Variants in ATG2B observed in about 807,000 individuals in gnomAD.
ATG2B encodes autophagy related 2B, also known as autophagy-related protein 2 homolog B.
In ATG2B, 121 loss-of-function variants were observed where a neutral mutation model predicts 241.3. The observed-to-expected ratio is 0.50, with a 90% CI of 0.43 to 0.58. ATG2B has a LOEUF of 0.58. Ranked by LOEUF, ATG2B falls within the 20% of genes least tolerant of loss-of-function variation. The pLI, the probability that ATG2B is intolerant of heterozygous loss-of-function variation, is 0.00. For missense variants in ATG2B, 2,306 were observed against 2,491.6 expected (o/e 0.93, Z 1.59); for synonymous variants, 858 against 876.6 (o/e 0.98, Z 0.37).
At chr14:96,343,091 T>C (rs371294167) in intron 5 of ATG2B, 28 bp downstream of exon 5, 276 of 1,484,008 alleles carry the variant, frequency 1.9e-4, no homozygotes, top group Non-Finnish European at 2.4e-4. Context: ...TCTATGATTA[T>C]GGTTTTAGGG....
In ATG2B at chr14:96,280,082, G is replaced by A. The variant is rs539846652; in HGVS notation, c.*5673C>T. 1.3e-5 allele frequency: 2 copies of A among 152,448 alleles called. No homozygotes were observed. Among genetic ancestry groups the A allele is most frequent in the Non-Finnish European group, 2.9e-5 (2 of 68,128 alleles). 9.4% of individuals were successfully genotyped at this position (152,448 alleles called of 1,614,324 possible). A position where few individuals can be genotyped will look rare whatever the true frequency, so the allele number is the denominator to read the frequency against. ...GCTAACCCCTACTCACGGGCATGCAGAACTGAACCGCTGGGGTGGCTAAGC... is the reference window on the plus strand; with the variant it reads ...GCTAACCCCTACTCACGGGCATGCAAAACTGAACCGCTGGGGTGGCTAAGC... On this transcript the variant is annotated 3_prime_UTR_variant, in exon 42 of 42. Coordinates refer to ENST00000359933, the MANE Select transcript of ATG2B (RefSeq NM_018036.7).
At chr14:96,311,689 T>C (rs1887161812) in intron 26 of ATG2B, 71 bp from the exon 27 acceptor site, 2 of 903,490 alleles carry the variant, frequency 2.2e-6, no homozygotes, top group Non-Finnish European at 3.6e-6. Flanking sequence ...CAACACCCAA[T>C]ACAACTAGCA....
At chr14:96,305,848 T>C in intron 30 of ATG2B, 33 bp from the exon 31 acceptor site, 1 of 1,546,260 alleles carries the variant, frequency 6.5e-7, no homozygotes, top group Non-Finnish European at 8.9e-7. Context: ...ACATACTCTC[T>C]TTTCTAATTA....
chr14:96,308,253 C>CATATATAT (rs1309788039), intron 29 of ATG2B, among the ~76,000 whole-genome samples: 7 of 36,402 alleles, frequency 1.9e-4, no homozygotes, highest in Non-Finnish European at 2.2e-4. Context: ...TATATATATA[C>CATATATAT]ACACATATAT....
At chr14:96,351,366 C>T (rs1375299516) in intron 1 of ATG2B, among the ~76,000 whole-genome samples, 1 of 152,144 alleles carries the variant, frequency 6.6e-6, no homozygotes, top group Non-Finnish European at 1.5e-5. Flanking sequence ...ATTTTGGAGA[C>T]TGAGGCAGAA....
chr14:96,295,457 C>A (rs942346199), intron 35 of ATG2B, 25 bp downstream of exon 35: 39 of 1,468,518 alleles, frequency 2.7e-5, no homozygotes, highest in Non-Finnish European at 3.4e-5. Context: ...TTGGTATAGT[C>A]TTTTCAACTA....
chr14:96,295,727 C>CCACACA lies in ATG2B; in HGVS notation c.5140-173_5140-168dup, dbSNP rs59902412. 1.9e-3 allele frequency among the ~76,000 whole-genome samples: 278 copies of CCACACA among 145,866 alleles called. 2 individuals carry two copies. Among genetic ancestry groups the CCACACA allele is most frequent in the South Asian group, 6.6e-3 (30 of 4,568 alleles). On this transcript the variant is annotated intron_variant, in intron 34 of 41. Transcript: ENST00000359933. ...GTCATTATTCCTATTCTTCCCCCCA[C>CCACACA]CACACACACACACACACACACACAC...
intron 1 of ATG2B, among the ~76,000 whole-genome samples, chr14:96,355,939 A>G (rs1888460735): frequency 6.6e-6 from 1 of 152,092 alleles, no homozygotes; most frequent in Non-Finnish European, 1.5e-5. Flanking sequence ...TGAGAGGCAG[A>G]GGCGGGGGAA....
At chr14:96,336,209 GAGTT>G (rs370134034) in intron 6 of ATG2B, among the ~76,000 whole-genome samples, 1 of 149,516 alleles carries the variant, frequency 6.7e-6, no homozygotes, top group African/African-American at 2.5e-5. Flanking sequence ...ACAGTTGAAA[GAGTT>G]AAGGCTAATG....
Position 96,328,715 on chromosome 14 carries a change from GAC to G in ATG2B, c.1931_1932del (p.Cys644SerfsTer6). ...KEETGSHSPVCLQLHYKHSEN... is the reference protein window; with the variant it reads ...KEETGSHSPVXLQLHYKHSEN... Reference sequence around the variant, plus strand: ...TCAGAATGCTTATAATGAAGCTGAAGACACACAGGGGAATGGGAACCAGTTTC... The same window carrying G: ...TCAGAATGCTTATAATGAAGCTGAAGACACAGGGGAATGGGAACCAGTTTC... On this transcript the variant is annotated frameshift_variant, in exon 13 of 42. Transcript: ENST00000359933. LOFTEE classifies it high-confidence loss of function. 6.2e-7 allele frequency: 1 copy of G among 1,609,708 alleles called. No individual in the cohort carries two copies. Among genetic ancestry groups the G allele is most frequent in the Non-Finnish European group, 8.5e-7 (1 of 1,177,460 alleles).
rs1886920278 is a variant in ATG2B, at chr14:96,305,610, G to T, written c.4712C>A (p.Thr1571Asn). The change falls in exon 31 of 42, where the codon ACT becomes AAT. Residue 1571 changes from threonine to asparagine, a missense_variant. Around this residue, in one of 2 missense-constraint regions of ATG2B, gnomAD observed 1,927 missense variants for 2,011.2 expected, o/e 0.96. Coordinates refer to ENST00000359933, the MANE Select transcript of ATG2B (RefSeq NM_018036.7). The part of the protein sequence containing the change: ...GGKDFGIVPP[T>N]SPAKSYISPH... ...TTACATATAACTTTTAGCCGGAGAA[G>T]TGGGAGGGACTATTCCAAAATCCTT... 6.2e-7 allele frequency: 1 copy of T among 1,611,812 alleles called. No homozygotes were observed. The highest frequency in any genetic ancestry group is 1.7e-5 in the Admixed American group (1 of 59,940).
At chr14:96,303,003 A>G (rs1194640865) in intron 33 of ATG2B, 58 bp downstream of exon 33, 4 of 1,293,144 alleles carry the variant, frequency 3.1e-6, no homozygotes, top group Non-Finnish European at 3.1e-6. Flanking sequence ...CTGAAGTTAG[A>G]TATAATAAAA....
At chr14:96,308,266 A>ATATG (rs1887041521) in intron 29 of ATG2B, among the ~76,000 whole-genome samples, 8 of 15,536 alleles carry the variant, frequency 5.1e-4, no homozygotes, top group African/African-American at 1.6e-3. Flanking sequence ...ACATATATAT[A>ATATG]TATATATATA....
chr14:96,286,746 A>G (rs1339801490), intron 41 of ATG2B, among the ~76,000 whole-genome samples: 1 of 152,160 alleles, frequency 6.6e-6, no homozygotes, highest in Non-Finnish European at 1.5e-5. Flanking sequence ...AGAAATCCCT[A>G]GGGAACTCAA....
At position 96,281,687 on chromosome 14, in the gene ATG2B, G is replaced by A. The variant is rs561155114; in HGVS notation, c.*4068C>T. The A allele has an allele frequency of 5.3e-5, 8 of 152,312 alleles. No individual in the cohort carries two copies. The highest frequency in any genetic ancestry group is 3.9e-4 in the East Asian group (2 of 5,194). The allele number at this position is 152,312 out of a possible 1,614,324, so 9.4% of individuals were successfully genotyped here. ...TTTTTAGAGGGAGGTGCTGCTACCCGGGACATTAGAGATATAACTGAGCCA... is the reference window on the plus strand; with the variant it reads ...TTTTTAGAGGGAGGTGCTGCTACCCAGGACATTAGAGATATAACTGAGCCA... On this transcript the variant is annotated 3_prime_UTR_variant, in exon 42 of 42. Coordinates refer to ENST00000359933, the MANE Select transcript of ATG2B (RefSeq NM_018036.7).
At chr14:96,360,064 A>C (rs966937118) in intron 1 of ATG2B, among the ~76,000 whole-genome samples, 3 of 152,234 alleles carry the variant, frequency 2.0e-5, no homozygotes, top group African/African-American at 7.2e-5. Context: ...CATTCTATAG[A>C]ATAAAACCAG....
Position 96,345,332 on chromosome 14 carries a change from A to G in ATG2B, c.379T>C (p.Leu127=), listed in dbSNP as rs368533260. ...WSSFMTSSMQ[L]AKECLSQKLT... ...TTCTGGCTAAGACATTCTTTTGCCA[A>G]TTGCATACTGCTGGTCATAAAACTT... The change falls in exon 3 of 42, where the codon TTG becomes CTG. Residue 127 remains leucine (L), a synonymous_variant. Coordinates refer to ENST00000359933, the MANE Select transcript of ATG2B (RefSeq NM_018036.7). 1.4e-4 allele frequency: 221 copies of G among 1,613,272 alleles called. No individual in the cohort carries two copies. The Middle Eastern group carries it at 2.0e-3, about 14-fold the overall frequency.
chr14:96,291,715 C>A, intron 37 of ATG2B, 33 bp from the exon 38 acceptor site: 1 of 1,474,224 alleles, frequency 6.8e-7, no homozygotes. Flanking sequence ...ATTAACCTTA[C>A]TGTAAATTAA....
intron 6 of ATG2B, among the ~76,000 whole-genome samples, chr14:96,336,737 A>G (rs1048583036): frequency 1.3e-5 from 2 of 152,230 alleles, no homozygotes; most frequent in African/African-American, 4.8e-5. Context: ...TTCCCCAGAG[A>G]CATAAACATA....
Sources: allele counts gnomAD v4.1 joint callset (sites outside exome capture counted in the v4.1 genomes callset), GRCh38; gene constraint gnomAD v4.1.1; regional missense constraint gnomAD v4.1.1; transcripts MANE v1.5; gene names NCBI Gene and HGNC (gene_info 2026-07-23, HGNC 2026-07-21).